Variants in SLC16A7 observed in about 807,000 individuals in gnomAD.
The protein encoded by SLC16A7 is monocarboxylate transporter 2.
SLC16A7 carries 33 observed loss-of-function variants against 34.9 expected under a neutral mutation model. The ratio of observed to expected loss-of-function variants is 0.94; its 90% CI spans 0.72 to 1.26. SLC16A7 has a LOEUF of 1.26. Among genes scored for constraint, SLC16A7 ranks in the 50% most tolerant of loss-of-function variants. The pLI is 0.00. For missense variants in SLC16A7, 573 were observed against 578.1 expected, an observed-to-expected ratio of 0.99 and a Z score of 0.09; for synonymous variants, 201 against 206.6, an observed-to-expected ratio of 0.97 and a Z score of 0.23.
intron 1 of SLC16A7, among the ~76,000 whole-genome samples, chr12:59,612,994 C>T (rs1337762731): frequency 6.6e-6 from 1 of 152,200 alleles, no homozygotes; most frequent in Non-Finnish European, 1.5e-5. Context: ...GTCGCTTCCA[C>T]ATATTTGGGG....
In SLC16A7 at chr12:59,779,961, C is replaced by G. The variant is rs1883121836; in HGVS notation, c.*282C>G. On this transcript the variant is annotated 3_prime_UTR_variant, in exon 6 of 6. Transcript: ENST00000547379. ...GTTAAAATACTAATTTTAAAGTCTT[C>G]CAGTGACTTTCGGTCTTGGTTATAT... The G allele has an allele frequency of 3.7e-6, 1 of 269,530 alleles. No homozygotes were observed. The highest frequency in any genetic ancestry group is 7.1e-6 in the Non-Finnish European group (1 of 141,006). 16.7% of individuals were successfully genotyped at this position (269,530 alleles called of 1,614,324 possible).
At chr12:59,602,663 T>C (rs1878744699) in intron 1 of SLC16A7, among the ~76,000 whole-genome samples, 1 of 151,868 alleles carries the variant, frequency 6.6e-6, no homozygotes, top group Non-Finnish European at 1.5e-5. Flanking sequence ...TTTTGTATTT[T>C]TAGTAGAAAT....
chr12:59,605,670 A>T (rs1275906858), intron 1 of SLC16A7, among the ~76,000 whole-genome samples: 1 of 152,232 alleles, frequency 6.6e-6, no homozygotes, highest in African/African-American at 2.4e-5. Context: ...CACAGATATC[A>T]AATATATTCT....
chr12:59,597,387 A>G (rs1356885018), intron 1 of SLC16A7, among the ~76,000 whole-genome samples: 1 of 152,116 alleles, frequency 6.6e-6, no homozygotes, highest in Non-Finnish European at 1.5e-5. Context: ...CGGCAGAGGA[A>G]TAAAATAGCG....
chr12:59,690,775 C>G (rs973985654), intron 2 of SLC16A7, among the ~76,000 whole-genome samples: 2 of 151,836 alleles, frequency 1.3e-5, no homozygotes, highest in Non-Finnish European at 2.9e-5. Context: ...TGCTGGTTCT[C>G]AAAATAATCA....
At chr12:59,655,637 T>C (rs1426858645) in intron 2 of SLC16A7, among the ~76,000 whole-genome samples, 1 of 151,910 alleles carries the variant, frequency 6.6e-6, no homozygotes, top group South Asian at 2.1e-4. Context: ...GTATATACTT[T>C]TAGTTATTTA....
intron 4 of SLC16A7, 32 bp from the exon 5 acceptor site, chr12:59,774,625 G>T (rs1222722166): frequency 7.2e-7 from 1 of 1,389,142 alleles, no homozygotes; most frequent in African/African-American, 1.5e-5. Context: ...ATGTGTTTGT[G>T]TTTTCCCCCA....
chr12:59,633,328 A>G (rs1880269621), intron 1 of SLC16A7, among the ~76,000 whole-genome samples: 2 of 152,042 alleles, frequency 1.3e-5, no homozygotes, highest in African/African-American at 4.8e-5. Flanking sequence ...TAACAGATAC[A>G]TCAGATACTA....
chr12:59,774,157 T>C (rs1478795905), intron 4 of SLC16A7, among the ~76,000 whole-genome samples: 1 of 152,186 alleles, frequency 6.6e-6, no homozygotes, highest in Admixed American at 6.5e-5. Flanking sequence ...TTGAAACAAA[T>C]GTTTGTGGGG....
Position 59,783,630 on chromosome 12 carries a change from A to C in SLC16A7, c.*3951A>C, listed in dbSNP as rs1398950657. ...GAGAACTGCATTTGCTAGAACCTGA[A>C]TATGTAATTTCTTTCTTTCTTTCTT... On this transcript the variant is annotated 3_prime_UTR_variant, in exon 6 of 6. Transcript: ENST00000547379. 7.0e-6 allele frequency: 1 copy of C among 143,746 alleles called. No individual in the cohort carries two copies. The highest frequency in any genetic ancestry group is 6.8e-5 in the Admixed American group (1 of 14,688). The allele number at this position is 143,746 out of a possible 1,614,324, so 8.9% of individuals were successfully genotyped here. A position where few individuals can be genotyped will look rare whatever the true frequency, so the allele number is the denominator to read the frequency against.
At chr12:59,673,192 G>A (rs918166184) in intron 2 of SLC16A7, among the ~76,000 whole-genome samples, 3 of 152,094 alleles carry the variant, frequency 2.0e-5, no homozygotes, top group Non-Finnish European at 2.9e-5. Context: ...ATATTTCCAC[G>A]TATAATGAAG....
chr12:59,735,892 G>A, intron 3 of SLC16A7: 1 of 1,112,262 alleles, frequency 9.0e-7, no homozygotes, highest in Non-Finnish European at 1.1e-6. Flanking sequence ...CCTTTCAAAT[G>A]GCCCCTAACA....
At chr12:59,751,839 T>C (rs1257810099) in intron 3 of SLC16A7, among the ~76,000 whole-genome samples, 1 of 152,192 alleles carries the variant, frequency 6.6e-6, no homozygotes, top group East Asian at 1.9e-4. Context: ...CCGAGCAGCC[T>C]AACTGGGAGG....
intron 1 of SLC16A7, among the ~76,000 whole-genome samples, chr12:59,627,329 T>A (rs903776767): frequency 2.0e-5 from 3 of 151,950 alleles, no homozygotes; most frequent in Admixed American, 6.6e-5. Context: ...ACATAAAGTT[T>A]GATAGACCAG....
chr12:59,752,189 G>C (rs373239413), intron 3 of SLC16A7, among the ~76,000 whole-genome samples: 2 of 152,090 alleles, frequency 1.3e-5, no homozygotes, highest in South Asian at 2.1e-4. Flanking sequence ...ACTCTAAAAA[G>C]CAGAGCACCT....
chr12:59,693,327 GAAGA>G (rs1051490839), intron 2 of SLC16A7, among the ~76,000 whole-genome samples: 3 of 151,864 alleles, frequency 2.0e-5, no homozygotes, highest in African/African-American at 7.3e-5. Flanking sequence ...TTCAAAAGTT[GAAGA>G]AAGATTATTC....
chr12:59,616,396 GGCCATTAAACATACCTAAATTTGCATT>G (rs1436980942), intron 1 of SLC16A7, among the ~76,000 whole-genome samples: 7 of 151,988 alleles, frequency 4.6e-5, no homozygotes, highest in African/African-American at 1.7e-4. Flanking sequence ...ATTCTGGGTA[GGCCATTAAACATACCTAAATTTGCATT>G]TATTTTCTGT....
chr12:59,685,690 T>C (rs1871098889), intron 2 of SLC16A7, among the ~76,000 whole-genome samples: 1 of 152,116 alleles, frequency 6.6e-6, no homozygotes, highest in Non-Finnish European at 1.5e-5. Flanking sequence ...ATAACATACA[T>C]AGTTTATGAA....
At chr12:59,699,296 A>G (rs1872629044) in intron 2 of SLC16A7, among the ~76,000 whole-genome samples, 1 of 151,740 alleles carries the variant, frequency 6.6e-6, no homozygotes, top group Admixed American at 6.6e-5. Context: ...AAGCATAACT[A>G]GTAAAATAAA....
Sources: allele counts gnomAD v4.1 joint callset (sites outside exome capture counted in the v4.1 genomes callset), GRCh38; gene constraint gnomAD v4.1.1; transcripts MANE v1.5; gene names NCBI Gene and HGNC (gene_info 2026-07-23, HGNC 2026-07-21).